Variants in OR10G7 observed in about 807,000 individuals in gnomAD.
OR10G7 encodes olfactory receptor 10G7.
For missense variants in OR10G7, 338 were observed against 382.1 expected, an observed-to-expected ratio of 0.88 and a Z score of 0.96; for synonymous variants, 165 against 167.4, an observed-to-expected ratio of 0.99 and a Z score of 0.11.
At position 124,036,946 on chromosome 11, in the gene OR10G7, CTTT is replaced by C; in HGVS notation, c.*1117_*1119del. ...GCAAATCTGAGGAGTTTGAGAAATG[CTTT>C]TCAGTTCTAGCAGCTGCCTTCTAGT... On this transcript the variant is annotated 3_prime_UTR_variant, in exon 2 of 2. Transcript: ENST00000641585. The C allele has an allele frequency of 6.6e-6, 1 of 152,326 alleles. No homozygotes were observed. Among genetic ancestry groups the C allele is most frequent in the Non-Finnish European group, 1.5e-5 (1 of 68,026 alleles). 9.4% of individuals were successfully genotyped at this position (152,326 alleles called of 1,614,324 possible). A position where few individuals can be genotyped will look rare whatever the true frequency, so the allele number is the denominator to read the frequency against.
At position 124,037,947 on chromosome 11, in the gene OR10G7, C is replaced by A. The variant is rs1864204851; in HGVS notation, c.*119G>T. 1.5e-6 allele frequency: 1 copy of A among 666,848 alleles called. No homozygotes were observed. Among genetic ancestry groups the A allele is most frequent in the Admixed American group, 3.4e-5 (1 of 29,274 alleles). The allele number at this position is 666,848 out of a possible 1,614,324, so 41.3% of individuals were successfully genotyped here. ...AAAAAATGAAAAATTAATTAACTGT[C>A]CAATTAAAAATTAAGACTGAATAAT... On this transcript the variant is annotated 3_prime_UTR_variant, in exon 2 of 2. Coordinates refer to ENST00000641585, the MANE Select transcript of OR10G7 (RefSeq NM_001004463.2).
chr11:124,036,952 A>G lies in OR10G7; in HGVS notation c.*1114T>C, dbSNP rs1864197236. ...CTGAGGAGTTTGAGAAATGCTTTTCAGTTCTAGCAGCTGCCTTCTAGTTTT... is the reference window on the plus strand; with the variant it reads ...CTGAGGAGTTTGAGAAATGCTTTTCGGTTCTAGCAGCTGCCTTCTAGTTTT... On this transcript the variant is annotated 3_prime_UTR_variant, in exon 2 of 2. Coordinates refer to ENST00000641585, the MANE Select transcript of OR10G7 (RefSeq NM_001004463.2). The G allele has an allele frequency of 6.6e-6, 1 of 152,244 alleles. No homozygotes were observed. 9.4% of individuals were successfully genotyped at this position (152,244 alleles called of 1,614,324 possible). A position where few individuals can be genotyped will look rare whatever the true frequency, so the allele number is the denominator to read the frequency against.
chr11:124,037,453 ATG>A lies in OR10G7; in HGVS notation c.*611_*612del, dbSNP rs1183570790. ...ATAGTTGTCATCAGAGACCAATACA[ATG>A]TGTACAGTGTATACAGTGCATAAAT... On this transcript the variant is annotated 3_prime_UTR_variant, in exon 2 of 2. Transcript: ENST00000641585. The A allele has an allele frequency of 6.6e-6, 1 of 152,106 alleles. No homozygotes were observed. Among genetic ancestry groups the A allele is most frequent in the Non-Finnish European group, 1.5e-5 (1 of 68,024 alleles). 9.4% of individuals were successfully genotyped at this position (152,106 alleles called of 1,614,324 possible). A position where few individuals can be genotyped will look rare whatever the true frequency, so the allele number is the denominator to read the frequency against.
rs12291067 is a variant in OR10G7 at position 124,038,342 on chromosome 11, G to T, written c.660C>A (p.Ile220=). ...FVLIVLSYVS[I]VCSILRIRTS... is the part of the protein sequence containing the mutation. The stretch of plus-strand genomic sequence containing the variant: ...TGCGGATCCGCAGGATGGAACAGAC[G>T]ATGGACACATAGGACAGCACTATCA... The change falls in exon 2 of 2, where the codon ATC becomes ATA. Residue 220 remains isoleucine, a synonymous_variant. Transcript: ENST00000641585. 879 of 1,614,140 alleles carry T rather than the reference G, an allele frequency of 5.4e-4. 10 individuals carry two copies. The African/African-American group carries it at 0.011, about 20-fold the overall frequency.
At position 124,038,675 on chromosome 11, in the gene OR10G7, G is replaced by A. The variant is rs1369202160; in HGVS notation, c.327C>T (p.Thr109=). 1.2e-6 allele frequency: 2 copies of A among 1,613,924 alleles called. No homozygotes were observed. The highest frequency in any genetic ancestry group is 1.7e-6 in the Non-Finnish European group (2 of 1,179,992). ...QLYFFHFLGS[T]ECFLYTVMSY... is the part of the protein sequence containing the mutation. Reference sequence around the variant, plus strand: ...ACATGACTGTGTAGAGGAAACACTCGGTGCTCCCCAGGAAGTGGAAAAAAT... The same window carrying A: ...ACATGACTGTGTAGAGGAAACACTCAGTGCTCCCCAGGAAGTGGAAAAAAT... Residue 109 remains threonine (T), a synonymous_variant, in exon 2 of 2, where the codon ACC becomes ACT. Coordinates refer to ENST00000641585, the MANE Select transcript of OR10G7 (RefSeq NM_001004463.2).
chr11:124,038,184 A>G lies in OR10G7; in HGVS notation c.818T>C (p.Val273Ala). Reference protein sequence around the residue: ...SRDALHGVVAVFYTTLTPLFN... With the variant: ...SRDALHGVVAAFYTTLTPLFN... ...AAGAGGAGTCAGCGTGGTGTAGAAAACGGCCACAACCCCATGCAAGGCGTC... is the reference window on the plus strand; with the variant it reads ...AAGAGGAGTCAGCGTGGTGTAGAAAGCGGCCACAACCCCATGCAAGGCGTC... The change falls in exon 2 of 2, where the codon GTT (valine) becomes GCT (alanine). Residue 273 changes from valine to alanine, a missense_variant. By Grantham distance (64) the Val-to-Ala change is moderately conservative. Transcript: ENST00000641585. The G allele has an allele frequency of 6.2e-7, 1 of 1,613,978 alleles. No homozygotes were observed. Among genetic ancestry groups the G allele is most frequent in the Non-Finnish European group, 8.5e-7 (1 of 1,180,016 alleles).
rs1184553536 is a variant in OR10G7, at chr11:124,037,543, T to C, written c.*523A>G. Reference sequence around the variant, plus strand: ...GTAAGAAAAAAATATTAAAGAGTTATATGGTTTTTATTGGCCCATGAATGT... The same window carrying C: ...GTAAGAAAAAAATATTAAAGAGTTACATGGTTTTTATTGGCCCATGAATGT... On this transcript the variant is annotated 3_prime_UTR_variant, in exon 2 of 2. Coordinates refer to ENST00000641585, the MANE Select transcript of OR10G7 (RefSeq NM_001004463.2). The C allele has an allele frequency of 6.6e-6, 1 of 152,350 alleles. No individual in the cohort carries two copies. Among genetic ancestry groups the C allele is most frequent in the East Asian group, 1.9e-4 (1 of 5,194 alleles). 9.4% of individuals were successfully genotyped at this position (152,350 alleles called of 1,614,324 possible).
intron 1 of OR10G7, among the ~76,000 whole-genome samples, chr11:124,040,103 A>G (rs867191849): frequency 2.0e-5 from 3 of 152,076 alleles, no homozygotes; most frequent in Non-Finnish European, 4.4e-5. Context: ...CTATTTATAC[A>G]TTTTGTATTA....
rs754504836 is a variant in OR10G7, at chr11:124,038,153, G to A, written c.849C>T (p.Asn283=). 1.3e-5 allele frequency: 21 copies of A among 1,614,098 alleles called. No homozygotes were observed. The South Asian group carries it at 1.9e-4, about 14-fold the overall frequency. ...VFYTTLTPLF[N]PVVYTLRNKE... ...TGTTTCTCAGGGTGTACACAACAGG[G>A]TTGAAAAGAGGAGTCAGCGTGGTGT... is the stretch of plus-strand genomic sequence containing the variant. Residue 283 remains asparagine (N), a synonymous_variant, in exon 2 of 2, where the codon AAC becomes AAT. Transcript: ENST00000641585.
rs1399245207 is a variant in OR10G7 at position 124,037,178 on chromosome 11, C to CA, written c.*887dup. The CA allele has an allele frequency of 2.0e-5, 3 of 152,142 alleles. No homozygotes were observed. Among genetic ancestry groups the CA allele is most frequent in the Non-Finnish European group, 4.4e-5 (3 of 68,026 alleles). The allele number at this position is 152,142 out of a possible 1,614,324, so 9.4% of individuals were successfully genotyped here. ...TCCATTTCATATACTTTAAGTCAAACAAACGAATGTGACTTGCAGACATAG... is the reference window on the plus strand; with the variant it reads ...TCCATTTCATATACTTTAAGTCAAACAAAACGAATGTGACTTGCAGACATAG... On this transcript the variant is annotated 3_prime_UTR_variant, in exon 2 of 2. Coordinates refer to ENST00000641585, the MANE Select transcript of OR10G7 (RefSeq NM_001004463.2).
intron 1 of OR10G7, among the ~76,000 whole-genome samples, chr11:124,039,694 C>T (rs729775): frequency 1.3e-5 from 2 of 151,888 alleles, no homozygotes; most frequent in East Asian, 1.9e-4. Flanking sequence ...GGGACTGGTA[C>T]CGGTCCATGG....
chr11:124,040,361 T>C (rs1308693937), intron 1 of OR10G7, among the ~76,000 whole-genome samples: 1 of 152,072 alleles, frequency 6.6e-6, no homozygotes, highest in Admixed American at 6.5e-5. Context: ...ATTTCTATTA[T>C]TTCAAAGCTC....
At position 124,038,836 on chromosome 11, in the gene OR10G7, G is replaced by T. The variant is rs200624211; in HGVS notation, c.166C>A (p.Pro56Thr). The change falls in exon 2 of 2, where the codon CCC becomes ACC. Residue 56 changes from proline to threonine, a missense_variant. By Grantham distance (38) the Pro-to-Thr change is conservative (BLOSUM62 -1). Coordinates refer to ENST00000641585, the MANE Select transcript of OR10G7 (RefSeq NM_001004463.2). ...AGGTTGGTGAGGAAGTAGTACATGG[G>T]GGTGTGGAGGTGAGAATCCACCCTG... ...VIRVDSHLHT[P>T]MYYFLTNLSF... 1.7e-4 allele frequency: 269 copies of T among 1,613,810 alleles called. 1 individual carries two copies. The highest frequency in any genetic ancestry group is 6.4e-4 in the South Asian group (58 of 91,068).
Position 124,036,430 on chromosome 11 carries a change from A to G in OR10G7, c.*1636T>C, listed in dbSNP as rs936900509. The stretch of plus-strand genomic sequence containing the variant: ...CACTTACAACAATGTAACCTGGACA[A>G]TGCAACATATTTTTCCCCCTTGCCA... On this transcript the variant is annotated 3_prime_UTR_variant, in exon 2 of 2. Coordinates refer to ENST00000641585, the MANE Select transcript of OR10G7 (RefSeq NM_001004463.2). 6.6e-6 allele frequency: 1 copy of G among 152,174 alleles called. No homozygotes were observed. The highest frequency in any genetic ancestry group is 1.5e-5 in the Non-Finnish European group (1 of 68,030). 9.4% of individuals were successfully genotyped at this position (152,174 alleles called of 1,614,324 possible). A position where few individuals can be genotyped will look rare whatever the true frequency, so the allele number is the denominator to read the frequency against.
Position 124,038,200 on chromosome 11 carries a change from G to C in OR10G7, c.802C>G (p.His268Asp). Residue 268 changes from histidine (H) to aspartate (D), a missense_variant, in exon 2 of 2, where the codon CAT becomes GAT. Transcript: ENST00000641585. ...GTGTAGAAAACGGCCACAACCCCAT[G>C]CAAGGCGTCCCTGGAGCCTGGCCTC... is the stretch of plus-strand genomic sequence containing the variant. ...YLRPGSRDAL[H>D]GVVAVFYTTL... 1 of 1,614,004 alleles carries C rather than the reference G, an allele frequency of 6.2e-7. No individual in the cohort carries two copies. The highest frequency in any genetic ancestry group is 2.2e-5 in the East Asian group (1 of 44,872).
rs774866321 is a variant in OR10G7 at position 124,038,217 on chromosome 11, C to A, written c.785G>T (p.Gly262Val). 2.6e-5 allele frequency: 42 copies of A among 1,614,050 alleles called. No homozygotes were observed. In the Middle Eastern group the frequency reaches 6.6e-4, roughly 25 times the overall value. The change falls in exon 2 of 2, where the codon GGC becomes GTC. Residue 262 changes from glycine (G) to valine (V), a missense_variant. By Grantham distance (109) the Gly-to-Val change is moderately radical. Coordinates refer to ENST00000641585, the MANE Select transcript of OR10G7 (RefSeq NM_001004463.2). ...GPGLFIYLRP[G>V]SRDALHGVVA... ...AACCCCATGCAAGGCGTCCCTGGAG[C>A]CTGGCCTCAGGTAAATGAAAAGACC...
At chr11:124,039,145 C>A in intron 1 of OR10G7, 124 bp from the exon 2 acceptor site, 5 of 1,047,712 alleles carry the variant, frequency 4.8e-6, no homozygotes, top group Non-Finnish European at 6.8e-6. Flanking sequence ...TTATAACTTC[C>A]TTTTGCTTCA....
Position 124,038,162 on chromosome 11 carries a change from A to T in OR10G7, c.840T>A (p.Pro280=). 1 of 1,614,084 alleles carries T rather than the reference A, an allele frequency of 6.2e-7. No homozygotes were observed. Among genetic ancestry groups the T allele is most frequent in the Non-Finnish European group, 8.5e-7 (1 of 1,180,018 alleles). Residue 280 remains proline (P), a synonymous_variant, in exon 2 of 2, where the codon CCT becomes CCA. Transcript: ENST00000641585. ...GGGTGTACACAACAGGGTTGAAAAG[A>T]GGAGTCAGCGTGGTGTAGAAAACGG... ...VVAVFYTTLT[P]LFNPVVYTLR... is the part of the protein sequence containing the mutation.
chr11:124,041,112 A>T lies in OR10G7; in HGVS notation c.-247T>A, dbSNP rs1864237708. 6.6e-6 allele frequency: 1 copy of T among 152,068 alleles called. No individual in the cohort carries two copies. The highest frequency in any genetic ancestry group is 1.5e-5 in the Non-Finnish European group (1 of 68,000). 9.4% of individuals were successfully genotyped at this position (152,068 alleles called of 1,614,324 possible). ...GTTGACATCATGATAAACACTTGGA[A>T]TTTTTTCCAAATGCATCTGCTAAAG... On this transcript the variant is annotated 5_prime_UTR_variant, in exon 1 of 2. Coordinates refer to ENST00000641585, the MANE Select transcript of OR10G7 (RefSeq NM_001004463.2).
Sources: allele counts gnomAD v4.1 joint callset (sites outside exome capture counted in the v4.1 genomes callset), GRCh38; gene constraint gnomAD v4.1.1; transcripts MANE v1.5; gene names NCBI Gene and HGNC (gene_info 2026-07-23, HGNC 2026-07-21).